Variants in STXBP5 observed in about 807,000 individuals in gnomAD.
STXBP5 encodes syntaxin-binding protein 5.
In STXBP5, 50 loss-of-function variants were observed where a neutral mutation model predicts 152.4. The observed-to-expected ratio is 0.33, with a 90% CI of 0.26 to 0.42. The LOEUF is 0.42. STXBP5 is among the 10% of genes least tolerant of loss of function. STXBP5 has a pLI of 1.00. For synonymous variants in STXBP5, 492 were observed against 494.7 expected, an observed-to-expected ratio of 0.99 and a Z score of 0.07; for missense variants, 1,167 against 1,388.6, an observed-to-expected ratio of 0.84 and a Z score of 2.54.
At chr6:147,228,298 T>G (rs1017354036) in intron 2 of STXBP5, among the ~76,000 whole-genome samples, 29 of 152,060 alleles carry the variant, frequency 1.9e-4, no homozygotes, top group African/African-American at 7.0e-4. Context: ...TTGTCAGGGG[T>G]TTGCTTGAAT....
chr6:147,262,603 T>C (rs1231793340), intron 6 of STXBP5, among the ~76,000 whole-genome samples: 1 of 151,956 alleles, frequency 6.6e-6, no homozygotes, highest in Non-Finnish European at 1.5e-5. Context: ...AGGTTATTAA[T>C]TTATATTTGG....
intron 7 of STXBP5, among the ~76,000 whole-genome samples, chr6:147,268,939 C>T (rs941143078): frequency 6.6e-6 from 1 of 152,006 alleles, no homozygotes; most frequent in Non-Finnish European, 1.5e-5. Context: ...GAAGAGGGAA[C>T]CTAGGTGGAA....
chr6:147,299,404 T>C (rs1273556038), intron 9 of STXBP5, among the ~76,000 whole-genome samples: 5 of 151,976 alleles, frequency 3.3e-5, no homozygotes, highest in Admixed American at 6.6e-5. Flanking sequence ...CCTGGACATA[T>C]TCAGTGCTGA....
At chr6:147,284,907 C>G (rs373153584) in intron 8 of STXBP5, among the ~76,000 whole-genome samples, 1 of 152,170 alleles carries the variant, frequency 6.6e-6, no homozygotes, top group African/African-American at 2.4e-5. Flanking sequence ...TTAAAAATAT[C>G]ACTTTAATGA....
At chr6:147,294,751 G>T (rs1781437515) in intron 9 of STXBP5, among the ~76,000 whole-genome samples, 1 of 152,140 alleles carries the variant, frequency 6.6e-6, no homozygotes, top group South Asian at 2.1e-4. Flanking sequence ...TTTGCCAGTT[G>T]TGACCATCAA....
At chr6:147,242,046 C>T (rs1355737442) in intron 4 of STXBP5, among the ~76,000 whole-genome samples, 2 of 151,846 alleles carry the variant, frequency 1.3e-5, no homozygotes, top group Non-Finnish European at 2.9e-5. Context: ...GAGATGATCA[C>T]TCAGTGTGTG....
chr6:147,346,398 G>A (rs1784331501), intron 21 of STXBP5, among the ~76,000 whole-genome samples: 6 of 152,120 alleles, frequency 3.9e-5, no homozygotes, highest in Admixed American at 3.9e-4. Context: ...CAAGGAGGTT[G>A]GCTAAACAGA....
chr6:147,247,915 A>G (rs1001008557), intron 4 of STXBP5, among the ~76,000 whole-genome samples: 2 of 152,336 alleles, frequency 1.3e-5, no homozygotes, highest in African/African-American at 4.8e-5. Context: ...TAAAAAGATT[A>G]TATAAAAAGA....
chr6:147,341,944 A>C (rs1387049423), intron 21 of STXBP5, among the ~76,000 whole-genome samples: 8 of 152,110 alleles, frequency 5.3e-5, no homozygotes, highest in African/African-American at 1.9e-4. Context: ...CCTGTTTTAC[A>C]GATAAGGAAA....
intron 2 of STXBP5, among the ~76,000 whole-genome samples, chr6:147,218,031 A>G (rs1357029385): frequency 6.6e-6 from 1 of 152,158 alleles, no homozygotes; most frequent in Non-Finnish European, 1.5e-5. Context: ...CATTTTTAAT[A>G]TATTTTCTAA....
chr6:147,311,374 A>C, intron 10 of STXBP5, 81 bp from the exon 11 acceptor site: 1 of 1,183,916 alleles, frequency 8.4e-7, no homozygotes, highest in Non-Finnish European at 1.2e-6. Flanking sequence ...GAAACTAAAT[A>C]AAATCAAGCA....
intron 10 of STXBP5, 52 bp downstream of exon 10, chr6:147,310,290 A>AG (rs1782300190): frequency 7.6e-7 from 1 of 1,321,558 alleles, no homozygotes; most frequent in South Asian, 2.5e-5. Flanking sequence ...GATATTAAAA[A>AG]AAAAAAAAAG....
At chr6:147,246,778 A>G (rs1412217848) in intron 4 of STXBP5, among the ~76,000 whole-genome samples, 3 of 152,216 alleles carry the variant, frequency 2.0e-5, no homozygotes, top group African/African-American at 7.2e-5. Flanking sequence ...TAACTTAAAT[A>G]TCAAGGGAGA....
chr6:147,233,083 A>G (rs1778084580), intron 2 of STXBP5, among the ~76,000 whole-genome samples: 1 of 151,640 alleles, frequency 6.6e-6, no homozygotes, highest in South Asian at 2.1e-4. Context: ...ATTGTATTAG[A>G]TATTCTTATC....
intron 9 of STXBP5, among the ~76,000 whole-genome samples, chr6:147,305,080 G>C (rs1194449010): frequency 6.6e-6 from 1 of 152,142 alleles, no homozygotes; most frequent in Non-Finnish European, 1.5e-5. Context: ...TGCTAGGCTA[G>C]TGTTGCTCAA....
At chr6:147,295,015 A>T (rs1781447771) in intron 9 of STXBP5, among the ~76,000 whole-genome samples, 1 of 152,206 alleles carries the variant, frequency 6.6e-6, no homozygotes, top group Admixed American at 6.5e-5. Context: ...TATCTTTGGT[A>T]GGTTACCTAA....
At chr6:147,366,895 A>G (rs1785314542) in intron 25 of STXBP5, among the ~76,000 whole-genome samples, 1 of 152,224 alleles carries the variant, frequency 6.6e-6, no homozygotes, top group African/African-American at 2.4e-5. Context: ...TAAAGGAAAT[A>G]AAAACTATTT....
intron 2 of STXBP5, among the ~76,000 whole-genome samples, chr6:147,220,942 A>G (rs1777427123): frequency 6.6e-6 from 1 of 151,796 alleles, no homozygotes; most frequent in Non-Finnish European, 1.5e-5. Context: ...TTTTGTTTCT[A>G]TTTTTGTTTC....
intron 25 of STXBP5, among the ~76,000 whole-genome samples, chr6:147,370,355 T>G (rs1020290766): frequency 6.6e-6 from 1 of 152,040 alleles, no homozygotes; most frequent in East Asian, 1.9e-4. Flanking sequence ...TATGGCGAAA[T>G]TCACCAAATT....
Sources: gnomAD v4.1 joint callset for allele counts (sites outside exome capture counted in the v4.1 genomes callset) on GRCh38, gnomAD v4.1.1 for gene constraint, MANE v1.5 for transcripts, NCBI Gene and HGNC (gene_info 2026-07-23, HGNC 2026-07-21) for gene names.